The following BIN2 variants were observed in gnomAD, a reference collection of about 807,000 sequenced individuals.
The protein encoded by BIN2 is breast cancer associated protein BRAP1.
Under a neutral mutation model 67.9 loss-of-function variants are expected in BIN2, and 43 were observed. The ratio of observed to expected loss-of-function variants is 0.63; its 90% CI spans 0.50 to 0.82. The LOEUF is 0.82. Ranked by LOEUF, BIN2 falls within the 40% of genes least tolerant of loss-of-function variation. BIN2 has a pLI of 0.00. For missense variants in BIN2, 581 were observed against 671.6 expected (o/e 0.87, Z 1.49); for synonymous variants, 244 against 246.8 (o/e 0.99, Z 0.11).
intron 12 of BIN2, among the ~76,000 whole-genome samples, chr12:51,283,419 A>G (rs1232338497): frequency 6.6e-6 from 1 of 152,188 alleles, no homozygotes; most frequent in Non-Finnish European, 1.5e-5. Flanking sequence ...GACAAAATGT[A>G]AAGGTAGAAG....
chr12:51,292,527 T>C (rs1945416342), intron 9 of BIN2, among the ~76,000 whole-genome samples, 183 bp from the exon 10 acceptor site: 1 of 152,180 alleles, frequency 6.6e-6, no homozygotes, highest in Non-Finnish European at 1.5e-5. Flanking sequence ...ATCTATATCA[T>C]GAACTCAATT....
rs200936405 is a variant in BIN2, at chr12:51,299,213, G to C, written c.592C>G (p.Leu198Val). 2.5e-6 allele frequency: 4 copies of C among 1,611,020 alleles called. No homozygotes were observed. ...AATTTCAGTCATTACCTATTATAAA[G>C]AATAGGCAGCTCCTCTAGTAGTTCT... ...NQELLEELPI[L>V]YNSRIGCYVT... Residue 198 changes from leucine to valine, a missense_variant, in exon 7 of 13, where the codon CTT becomes GTT. Leu to Val is a conservative substitution (Grantham distance 32). Coordinates refer to ENST00000615107, the MANE Select transcript of BIN2 (RefSeq NM_016293.4).
At chr12:51,319,849 C>G (rs1048619696) in intron 1 of BIN2, among the ~76,000 whole-genome samples, 27 of 152,204 alleles carry the variant, frequency 1.8e-4, no homozygotes, top group African/African-American at 6.0e-4. Flanking sequence ...AGTTAATTCC[C>G]TCAATTGGGG....
chr12:51,314,166 G>C (rs1234516908), intron 1 of BIN2, among the ~76,000 whole-genome samples: 3 of 151,996 alleles, frequency 2.0e-5, no homozygotes, highest in Non-Finnish European at 4.4e-5. Flanking sequence ...TCCTGCCTCA[G>C]CCTCCTGAGT....
intron 7 of BIN2, among the ~76,000 whole-genome samples, chr12:51,298,165 A>C (rs1945619965): frequency 6.6e-6 from 1 of 152,152 alleles, no homozygotes; most frequent in Non-Finnish European, 1.5e-5. Context: ...CAAGGTCAGG[A>C]GATTGAGACC....
At position 51,293,926 on chromosome 12, in the gene BIN2, C is replaced by A. The variant is rs186343565; in HGVS notation, c.762-1582G>T. On this transcript the variant is annotated intron_variant, in intron 9 of 12. Transcript: ENST00000615107. ...ACCTTGCAGAGCAATATGGAAATATCTCATTAAGGGTCAAGAAGCCCCATG... is the reference window on the plus strand; with the variant it reads ...ACCTTGCAGAGCAATATGGAAATATATCATTAAGGGTCAAGAAGCCCCATG... 1.6e-4 allele frequency among the ~76,000 whole-genome samples: 24 copies of A among 152,272 alleles called. No homozygotes were observed. In the East Asian group the frequency reaches 3.9e-3, roughly 24 times the overall value.
At position 51,312,224 on chromosome 12, in the gene BIN2, C is replaced by G. The variant is rs182922210; in HGVS notation, c.162+1599G>C. On this transcript the variant is annotated intron_variant, in intron 2 of 12. Transcript: ENST00000615107. ...CTGATAAGAATTATCACAAAAGATC[C>G]TATGAAAACCACAACCTTGCACAAA... Among the ~76,000 whole-genome samples the G allele has an allele frequency of 3.4e-4, 52 of 152,294 alleles. 1 individual carries two copies. The highest frequency in any genetic ancestry group is 3.4e-3 in the Middle Eastern group (1 of 294).
At chr12:51,290,106 T>C (rs998507730) in intron 10 of BIN2, among the ~76,000 whole-genome samples, 1 of 150,516 alleles carries the variant, frequency 6.6e-6, no homozygotes, top group African/African-American at 2.4e-5. Context: ...TTTGTATTAA[T>C]TTTTTTTTAA....
Position 51,324,070 on chromosome 12 carries a change from G to C in BIN2, c.33C>G (p.Gly11=). 6.2e-7 allele frequency: 1 copy of C among 1,613,420 alleles called. No individual in the cohort carries two copies. Among genetic ancestry groups the C allele is most frequent in the African/African-American group, 1.3e-5 (1 of 75,016 alleles). Residue 11 remains glycine, a synonymous_variant, in exon 1 of 13, where the codon GGC becomes GGG. Transcript: ENST00000615107. MAEGKAGGAA[G]LFAKQVQKKF... is the part of the protein sequence containing the mutation. ...TCTTCTGCACCTGCTTGGCGAAGAG[G>C]CCGGCCGCGCCGCCTGCCTTGCCCT...
intron 1 of BIN2, among the ~76,000 whole-genome samples, chr12:51,314,812 A>AG (rs59263098): frequency 6.6e-6 from 1 of 151,840 alleles, no homozygotes; most frequent in African/African-American, 2.4e-5. Flanking sequence ...AAAAAAAAAA[A>AG]GAAAGAAATA....
chr12:51,288,969 C>G (rs150044827), intron 10 of BIN2, among the ~76,000 whole-genome samples: 1 of 151,992 alleles, frequency 6.6e-6, no homozygotes, highest in Admixed American at 6.6e-5. Context: ...AGGATGGTCT[C>G]GATCTCCTGA....
upstream of BIN2, chr12:51,324,255 C>T (rs573892264): frequency 1.4e-6 from 2 of 1,429,064 alleles, no homozygotes; most frequent in Non-Finnish European, 1.8e-6. Context: ...AGGCCCGCCC[C>T]TCAGCCCACC....
At chr12:51,297,218 CTTTG>C (rs1226600829) in intron 7 of BIN2, 54 bp from the exon 8 acceptor site, 2 of 1,540,682 alleles carry the variant, frequency 1.3e-6, no homozygotes, top group South Asian at 1.1e-5. Flanking sequence ...GAAAGGAGTT[CTTTG>C]TTTGAAATAC....
chr12:51,318,233 G>A (rs1946181579), intron 1 of BIN2, among the ~76,000 whole-genome samples: 1 of 151,570 alleles, frequency 6.6e-6, no homozygotes, highest in South Asian at 2.1e-4. Flanking sequence ...GGCAGGTTCT[G>A]TGGAGAGACT....
intron 12 of BIN2, among the ~76,000 whole-genome samples, chr12:51,284,429 A>T (rs975667306): frequency 1.3e-5 from 2 of 151,836 alleles, no homozygotes; most frequent in South Asian, 2.1e-4. Flanking sequence ...TTTTGCATTT[A>T]AAAAAAATAT....
At chr12:51,313,228 A>AGGC (rs1555172220) in intron 2 of BIN2, among the ~76,000 whole-genome samples, 4 of 139,658 alleles carry the variant, frequency 2.9e-5, no homozygotes, top group African/African-American at 1.0e-4. Flanking sequence ...GGAAGGCAGG[A>AGGC]AGGCAGGCAG....
rs375508894 is a variant in BIN2, at chr12:51,303,161, T to C, written c.163-20A>G. The C allele has an allele frequency of 3.1e-6, 5 of 1,612,142 alleles. No individual in the cohort carries two copies. In the East Asian group the frequency reaches 1.1e-4, roughly 36 times the overall value. The stretch of plus-strand genomic sequence containing the variant: ...TTCTGCCTGAAAGAGAAAAGTACAT[T>C]TGGTGACTAAAGAGATTAATATTTC... On this transcript the variant is annotated intron_variant, in intron 2 of 12. Coordinates refer to ENST00000615107, the MANE Select transcript of BIN2 (RefSeq NM_016293.4).
At chr12:51,308,618 T>C (rs1198355312) in intron 2 of BIN2, among the ~76,000 whole-genome samples, 3 of 152,132 alleles carry the variant, frequency 2.0e-5, no homozygotes, top group Non-Finnish European at 1.5e-5. Flanking sequence ...GTGTTGAAAG[T>C]GCTTGGTTTA....
chr12:51,318,604 TTG>T (rs1256559874), intron 1 of BIN2, among the ~76,000 whole-genome samples: 1 of 152,182 alleles, frequency 6.6e-6, no homozygotes, highest in African/African-American at 2.4e-5. Context: ...CCTGGAGCTC[TTG>T]CTGTAGTGGA....
Sources: allele counts gnomAD v4.1 joint callset (sites outside exome capture counted in the v4.1 genomes callset), GRCh38; gene constraint gnomAD v4.1.1; transcripts MANE v1.5; gene names NCBI Gene and HGNC (gene_info 2026-07-23, HGNC 2026-07-21).